ATF6: variants seen among roughly 807,000 people sequenced by gnomAD.
ATF6 encodes activating transcription factor 6, also known as cyclic AMP-dependent transcription factor ATF-6 alpha.
Under a neutral mutation model 83.6 loss-of-function variants are expected in ATF6, and 53 were observed. The ratio of observed to expected loss-of-function variants is 0.63; its 90% confidence interval spans 0.51 to 0.80. ATF6 has a LOEUF of 0.80. Ranked by LOEUF, ATF6 falls within the 30% of genes least tolerant of loss-of-function variation. The pLI, the probability that ATF6 is intolerant of heterozygous loss-of-function variation, is 0.00. For synonymous variants in ATF6, 288 were observed against 285.8 expected (o/e 1.01, Z -0.08); for missense variants, 744 against 797.9 (o/e 0.93, Z 0.81).
At chr1:161,861,894 C>T (rs1211780142) in intron 13 of ATF6, among the ~76,000 whole-genome samples, 1 of 152,132 alleles carries the variant, frequency 6.6e-6, no homozygotes, top group Non-Finnish European at 1.5e-5. Context: ...GTTGCTAAGC[C>T]GAAGCGGGCT....
intron 14 of ATF6, among the ~76,000 whole-genome samples, chr1:161,907,344 G>T (rs1687896295): frequency 6.6e-6 from 1 of 152,172 alleles, no homozygotes; most frequent in Admixed American, 6.5e-5. Flanking sequence ...ATAAGGCTAG[G>T]TGCTATTTTT....
intron 9 of ATF6, among the ~76,000 whole-genome samples, chr1:161,827,468 G>A (rs1182543909): frequency 6.6e-6 from 1 of 152,106 alleles, no homozygotes; most frequent in Non-Finnish European, 1.5e-5. Flanking sequence ...CTTTTGTTAA[G>A]TACCACAAAA....
At chr1:161,802,598 C>G (rs1417359437) in intron 7 of ATF6, among the ~76,000 whole-genome samples, 1 of 152,164 alleles carries the variant, frequency 6.6e-6, no homozygotes, top group African/African-American at 2.4e-5. Flanking sequence ...CAGTCATCCA[C>G]TAATATTTTA....
chr1:161,953,129 A>T (rs1028729553), intron 15 of ATF6, among the ~76,000 whole-genome samples: 1 of 152,210 alleles, frequency 6.6e-6, no homozygotes, highest in Non-Finnish European at 1.5e-5. Flanking sequence ...ATTATTCAGT[A>T]GCTTCGTTCC....
At chr1:161,791,359 T>C in intron 4 of ATF6, 49 bp from the exon 5 acceptor site, 1 of 1,518,442 alleles carries the variant, frequency 6.6e-7, no homozygotes, top group East Asian at 2.3e-5. Flanking sequence ...CTATGCAATT[T>C]GCTGCTTAAG....
chr1:161,843,365 A>AT (rs1291333304), intron 9 of ATF6, among the ~76,000 whole-genome samples: 22 of 152,070 alleles, frequency 1.4e-4, no homozygotes, highest in Non-Finnish European at 2.6e-4. Context: ...CTGTATTCTG[A>AT]TTTTTTTTAT....
At chr1:161,896,663 G>A (rs1406273150) in intron 14 of ATF6, among the ~76,000 whole-genome samples, 1 of 152,090 alleles carries the variant, frequency 6.6e-6, no homozygotes, top group African/African-American at 2.4e-5. Flanking sequence ...TTTACAATTT[G>A]GCCATTTATT....
At chr1:161,783,294 A>T (rs954896516) in intron 3 of ATF6, among the ~76,000 whole-genome samples, 2 of 152,118 alleles carry the variant, frequency 1.3e-5, no homozygotes, top group African/African-American at 2.4e-5. Context: ...CTTGGTGGGA[A>T]AGTGGCAAGA....
At chr1:161,803,042 G>A (rs1261033249) in intron 7 of ATF6, among the ~76,000 whole-genome samples, 4 of 152,200 alleles carry the variant, frequency 2.6e-5, no homozygotes, top group African/African-American at 9.6e-5. Flanking sequence ...GGAAAGCAAA[G>A]TGTGTATGTT....
In ATF6 at chr1:161,848,122, C is replaced by A. The variant is rs79049414; in HGVS notation, c.1319+1542C>A. On this transcript the variant is annotated intron_variant, in intron 10 of 15. Transcript: ENST00000367942. ...TACTGGTCTTGGGGAAAAAAAAAAA[C>A]CAAAAAACAACCCAGGAAAGATTAT... Among the ~76,000 whole-genome samples the A allele has an allele frequency of 5.5e-3, 617 of 112,028 alleles. 4 individuals carry two copies. Among genetic ancestry groups the A allele is most frequent in the African/African-American group, 0.019 (532 of 27,588 alleles). 73.5% of individuals were successfully genotyped at this position (112,028 alleles called of 152,430 possible).
chr1:161,770,107 C>G (rs551459010), intron 1 of ATF6, among the ~76,000 whole-genome samples: 1 of 152,302 alleles, frequency 6.6e-6, no homozygotes, highest in South Asian at 2.1e-4. Flanking sequence ...GGTCAGGTAA[C>G]CACTGATCTT....
intron 9 of ATF6, among the ~76,000 whole-genome samples, chr1:161,839,077 C>T (rs1167598678): frequency 6.6e-6 from 1 of 152,170 alleles, no homozygotes; most frequent in African/African-American, 2.4e-5. Flanking sequence ...ATAGTGACTT[C>T]ACCACCTGCC....
chr1:161,945,788 T>C (rs188308133), intron 15 of ATF6, among the ~76,000 whole-genome samples: 1 of 152,356 alleles, frequency 6.6e-6, no homozygotes, highest in East Asian at 1.9e-4. Flanking sequence ...AGCTATGTTA[T>C]ATAAGCATTT....
At chr1:161,941,963 TTC>T (rs1688654161) in intron 15 of ATF6, among the ~76,000 whole-genome samples, 1 of 150,144 alleles carries the variant, frequency 6.7e-6, no homozygotes, top group Non-Finnish European at 1.5e-5. Flanking sequence ...TCCTCTTATC[TTC>T]TTTTTTTCGG....
At chr1:161,787,913 C>T (rs1684780528) in intron 4 of ATF6, among the ~76,000 whole-genome samples, 1 of 152,112 alleles carries the variant, frequency 6.6e-6, no homozygotes, top group Non-Finnish European at 1.5e-5. Context: ...AAAATCAGCA[C>T]AGTGTTTTTA....
At chr1:161,781,092 G>A (rs1392904565) in intron 2 of ATF6, among the ~76,000 whole-genome samples, 36 of 152,134 alleles carry the variant, frequency 2.4e-4, no homozygotes, top group Admixed American at 2.3e-3. Flanking sequence ...AAATAGTACT[G>A]TTTGGTACTA....
chr1:161,938,020 G>A (rs1688572671), intron 15 of ATF6, among the ~76,000 whole-genome samples: 1 of 151,960 alleles, frequency 6.6e-6, no homozygotes, highest in African/African-American at 2.4e-5. Context: ...TCCCACACAT[G>A]TACACAAACA....
intron 4 of ATF6, among the ~76,000 whole-genome samples, chr1:161,791,068 G>GTA (rs1208774252): frequency 6.9e-5 from 7 of 101,118 alleles, no homozygotes; most frequent in African/African-American, 4.2e-4. Context: ...TTATATGTGT[G>GTA]TGTGTGTGTG....
chr1:161,846,686 G>A, intron 10 of ATF6, 106 bp downstream of exon 10: 1 of 1,174,808 alleles, frequency 8.5e-7, no homozygotes, highest in South Asian at 2.2e-5. Flanking sequence ...TGTATATTTT[G>A]AGTAGTAGAA....
Sources: gnomAD v4.1 joint callset for allele counts (sites outside exome capture counted in the v4.1 genomes callset) on GRCh38, gnomAD v4.1.1 for gene constraint, MANE v1.5 for transcripts, NCBI Gene and HGNC (gene_info 2026-07-23, HGNC 2026-07-21) for gene names.